The following ADGRL3 variants were observed in gnomAD, a reference collection of about 807,000 sequenced individuals.
ADGRL3 encodes the protein calcium-independent alpha-latrotoxin receptor 3.
A neutral mutation model predicts 153.5 loss-of-function variants in ADGRL3; 62 were observed. The observed-to-expected ratio is 0.40, with a 90% CI of 0.33 to 0.50. ADGRL3 has a LOEUF of 0.50. ADGRL3 is among the 20% of genes least tolerant of loss of function. ADGRL3 has a pLI of 0.47. For missense variants in ADGRL3, 1,641 were observed against 1,859.4 expected (o/e 0.88, Z 2.16); for synonymous variants, 710 against 672.5 (o/e 1.06, Z -0.86).
chr4:61,384,107 C>T (rs1050070422), intron 2 of ADGRL3, among the ~76,000 whole-genome samples: 7 of 151,790 alleles, frequency 4.6e-5, no homozygotes, highest in Admixed American at 4.6e-4. Flanking sequence ...TTTTTCTGAG[C>T]TTTAGGAGTA....
chr4:61,743,355 A>G (rs948558396), intron 8 of ADGRL3, among the ~76,000 whole-genome samples: 4 of 151,242 alleles, frequency 2.6e-5, no homozygotes, highest in African/African-American at 9.7e-5. Flanking sequence ...AAGAAAAGAG[A>G]AAACAATTCT....
At chr4:61,410,980 C>T (rs1236511719) in intron 2 of ADGRL3, among the ~76,000 whole-genome samples, 1 of 152,126 alleles carries the variant, frequency 6.6e-6, no homozygotes, top group Non-Finnish European at 1.5e-5. Context: ...TGTCTGTCAT[C>T]CCATTGGGCT....
intron 2 of ADGRL3, among the ~76,000 whole-genome samples, chr4:61,489,815 A>T (rs2098238360): frequency 6.6e-6 from 1 of 152,116 alleles, no homozygotes; most frequent in African/African-American, 2.4e-5. Flanking sequence ...GGAGCAATAT[A>T]GAGGATTATA....
At chr4:61,242,775 T>C (rs1755518467) in intron 1 of ADGRL3, among the ~76,000 whole-genome samples, 1 of 152,110 alleles carries the variant, frequency 6.6e-6, no homozygotes, top group African/African-American at 2.4e-5. Flanking sequence ...GTAAATAGAA[T>C]ATATGTGATG....
chr4:61,451,419 C>T (rs2097672061), intron 2 of ADGRL3, among the ~76,000 whole-genome samples: 1 of 152,014 alleles, frequency 6.6e-6, no homozygotes, highest in Non-Finnish European at 1.5e-5. Context: ...AAAAACTCAC[C>T]AAGGCTGTAC....
At chr4:61,851,389 C>A (rs922728730) in intron 9 of ADGRL3, among the ~76,000 whole-genome samples, 7 of 151,814 alleles carry the variant, frequency 4.6e-5, no homozygotes, top group Non-Finnish European at 8.8e-5. Flanking sequence ...GAGTTTGAGA[C>A]CTGCCTGGAC....
chr4:61,501,263 C>T (rs1299617063), intron 3 of ADGRL3, among the ~76,000 whole-genome samples: 2 of 152,168 alleles, frequency 1.3e-5, no homozygotes, highest in Non-Finnish European at 2.9e-5. Context: ...ATTGAGCTTA[C>T]AGTAACCTAA....
intron 1 of ADGRL3, among the ~76,000 whole-genome samples, chr4:61,271,199 G>T (rs748371136): frequency 7.2e-5 from 11 of 151,992 alleles, no homozygotes; most frequent in African/African-American, 1.4e-4. Flanking sequence ...AAATTTATAT[G>T]TCTTGTAAAT....
chr4:61,451,936 G>A (rs910879971), intron 2 of ADGRL3, among the ~76,000 whole-genome samples: 3 of 152,170 alleles, frequency 2.0e-5, no homozygotes, highest in Non-Finnish European at 4.4e-5. Context: ...GACTACATTT[G>A]TTATGTATTG....
chr4:61,868,124 GTTTTC>G (rs1442439540), intron 9 of ADGRL3, among the ~76,000 whole-genome samples: 2 of 151,966 alleles, frequency 1.3e-5, no homozygotes, highest in South Asian at 2.1e-4. Flanking sequence ...ATATGTGTGT[GTTTTC>G]TTTTGTTTGA....
At chr4:61,989,587 C>T (rs975666983) in intron 19 of ADGRL3, among the ~76,000 whole-genome samples, 11 of 151,946 alleles carry the variant, frequency 7.2e-5, no homozygotes, top group African/African-American at 2.7e-4. Flanking sequence ...TTTTATCATC[C>T]AGAAAGCCAA....
At chr4:61,705,694 T>C (rs986569245) in intron 6 of ADGRL3, among the ~76,000 whole-genome samples, 3 of 152,034 alleles carry the variant, frequency 2.0e-5, no homozygotes, top group African/African-American at 7.2e-5. Flanking sequence ...AGACAGGGTT[T>C]CGCCATGTTG....
intron 13 of ADGRL3, among the ~76,000 whole-genome samples, chr4:61,932,911 C>G (rs1236770068): frequency 6.6e-6 from 1 of 151,838 alleles, no homozygotes; most frequent in Non-Finnish European, 1.5e-5. Flanking sequence ...GGAACATGTT[C>G]TTTCTTAGAA....
At chr4:61,968,719 T>G (rs566134763) in intron 17 of ADGRL3, among the ~76,000 whole-genome samples, 2 of 152,262 alleles carry the variant, frequency 1.3e-5, no homozygotes, top group Non-Finnish European at 2.9e-5. Context: ...GAAAACCACT[T>G]ACCTTTCTAT....
chr4:61,587,211 C>A lies in ADGRL3; in HGVS notation c.260-16C>A, dbSNP rs1268324172. On this transcript the variant is annotated splice_polypyrimidine_tract_variant and intron_variant, in intron 4 of 26. Coordinates refer to ENST00000683033, the MANE Select transcript of ADGRL3 (RefSeq NM_001387552.1). Reference sequence around the variant, plus strand: ...AGTAACGATGGCATCTCTTTTCTTCCTCTTCCTTTTGGCAGCTTTCAGCCG... The same window carrying A: ...AGTAACGATGGCATCTCTTTTCTTCATCTTCCTTTTGGCAGCTTTCAGCCG... 5.7e-6 allele frequency: 9 copies of A among 1,574,340 alleles called. No individual in the cohort carries two copies. Among genetic ancestry groups the A allele is most frequent in the Non-Finnish European group, 5.2e-6 (6 of 1,155,678 alleles).
chr4:61,850,314 A>G (rs949458383), intron 9 of ADGRL3, among the ~76,000 whole-genome samples: 1 of 152,164 alleles, frequency 6.6e-6, no homozygotes, highest in Non-Finnish European at 1.5e-5. Context: ...GTGCAAAACA[A>G]TTGCAGTTTT....
At chr4:61,602,629 A>G (rs992415657) in intron 5 of ADGRL3, among the ~76,000 whole-genome samples, 5 of 152,166 alleles carry the variant, frequency 3.3e-5, no homozygotes, top group Admixed American at 2.0e-4. Flanking sequence ...CATGTGAAGC[A>G]CATATTAAAA....
intron 1 of ADGRL3, among the ~76,000 whole-genome samples, chr4:61,227,846 G>A (rs1157069844): frequency 6.6e-6 from 1 of 152,150 alleles, no homozygotes; most frequent in Non-Finnish European, 1.5e-5. Context: ...TAGCATCTGG[G>A]CTGCTCAGAC....
At position 61,348,388 on chromosome 4, in the gene ADGRL3, T is replaced by G. The variant is rs538190953; in HGVS notation, c.-239-34736T>G. Among the ~76,000 whole-genome samples the G allele has an allele frequency of 3.9e-5, 6 of 152,180 alleles. No individual in the cohort carries two copies. In the South Asian group the frequency reaches 1.0e-3, roughly 26 times the overall value. On this transcript the variant is annotated intron_variant, in intron 1 of 26. Coordinates refer to ENST00000683033, the MANE Select transcript of ADGRL3 (RefSeq NM_001387552.1). The stretch of plus-strand genomic sequence containing the variant: ...ATCACAGTGTGCTTTTTTAACATTC[T>G]GTAATTATTCTTCCCTGAATACTTC...
Sources: allele counts gnomAD v4.1 joint callset (sites outside exome capture counted in the v4.1 genomes callset), GRCh38; gene constraint gnomAD v4.1.1; transcripts MANE v1.5; gene names NCBI Gene and HGNC (gene_info 2026-07-23, HGNC 2026-07-21).